Variants in SLC26A1 observed in about 807,000 individuals in gnomAD.
SLC26A1 encodes solute carrier family 26 member 1.
Under a neutral mutation model 14.5 loss-of-function variants are expected in SLC26A1, and 18 were observed. The observed-to-expected ratio is 1.24, with a 90% CI of 0.86 to 1.84. The LOEUF is 1.84. Ranked by LOEUF, SLC26A1 falls within the 40% of genes most tolerant of loss-of-function variation. The pLI is 0.00. For missense variants in SLC26A1, 1,049 were observed against 1,020.0 expected, an observed-to-expected ratio of 1.03 and a Z score of -0.39; for synonymous variants, 505 against 492.0, an observed-to-expected ratio of 1.03 and a Z score of -0.35.
rs535048237 is a variant in SLC26A1 at position 979,721 on chromosome 4, C to T, written c.577-217G>A. On this transcript the variant is annotated intron_variant, in intron 2 of 2. Transcript: ENST00000398520. ...GTGTGCTGCCTTGGAAGGGGATCTA[C>T]CAGCTTCCCGTGAATCCGTCCCACT... is the stretch of plus-strand genomic sequence containing the variant. Among the ~76,000 whole-genome samples the T allele has an allele frequency of 2.6e-4, 39 of 152,332 alleles. 1 individual carries two copies. In the South Asian group the frequency reaches 8.1e-3, roughly 32 times the overall value.
At position 979,754 on chromosome 4, in the gene SLC26A1, C is replaced by G. The variant is rs28742004; in HGVS notation, c.577-250G>C. 4.6e-3 allele frequency among the ~76,000 whole-genome samples: 694 copies of G among 152,330 alleles called. 6 individuals carry two copies. Among genetic ancestry groups the G allele is most frequent in the African/African-American group, 0.016 (670 of 41,578 alleles). On this transcript the variant is annotated intron_variant, in intron 2 of 2. Transcript: ENST00000398520. Reference sequence around the variant, plus strand: ...CCGTGAATCCGTCCCACTGTGTGGACCTGCTATGCCAGTGCCATGACGTGG... The same window carrying G: ...CCGTGAATCCGTCCCACTGTGTGGAGCTGCTATGCCAGTGCCATGACGTGG...
chr4:979,531 T>C, intron 2 of SLC26A1: 3 of 1,612,496 alleles, frequency 1.9e-6, no homozygotes, highest in Non-Finnish European at 1.7e-6. Context: ...GGGAAGGGCA[T>C]GGTGGAGGCC....
downstream of SLC26A1, chr4:987,377 G>A (rs1001859506): frequency 4.2e-6 from 4 of 947,812 alleles, no homozygotes; most frequent in African/African-American, 3.5e-5. Flanking sequence ...CCCGCCCCCC[G>A]CCGTGTTTGT....
intron 2 of SLC26A1, 42 bp from the exon 3 acceptor site, chr4:990,404 A>C (rs1269460444): frequency 1.2e-5 from 19 of 1,522,420 alleles, no homozygotes; most frequent in Non-Finnish European, 1.6e-5. Context: ...GCCTGGCGGG[A>C]GCCACCTGCC....
rs1176415364 is a variant in SLC26A1 at position 987,954 on chromosome 4, G to T, written c.*879C>A. On this transcript the variant is annotated 3_prime_UTR_variant, in exon 3 of 3. Transcript: ENST00000398516. ...GCTGGAGCTTGTCACCACCAGGTGG[G>T]CGGCGGGCAGGGTCTGGGCGTCCCA... The T allele has an allele frequency of 1.3e-6, 2 of 1,567,714 alleles. No individual in the cohort carries two copies. The highest frequency in any genetic ancestry group is 1.2e-5 in the South Asian group (1 of 86,004).
chr4:987,741 C>G lies in SLC26A1; in HGVS notation c.*1092G>C. The G allele has an allele frequency of 1.9e-6, 3 of 1,603,902 alleles. No individual in the cohort carries two copies. Among genetic ancestry groups the G allele is most frequent in the South Asian group, 2.2e-5 (2 of 89,848 alleles). ...GCGCCCGGGCAGTCCTGGGCTTGAACGTGTGTGTCAGCCGCGCTGCCAGCC... is the reference window on the plus strand; with the variant it reads ...GCGCCCGGGCAGTCCTGGGCTTGAAGGTGTGTGTCAGCCGCGCTGCCAGCC... On this transcript the variant is annotated 3_prime_UTR_variant, in exon 3 of 3. Coordinates refer to ENST00000398516, the MANE Select transcript of SLC26A1 (RefSeq NM_022042.4).
Position 988,823 on chromosome 4 carries a change from C to G in SLC26A1, c.*10G>C, listed in dbSNP as rs1234672725. The G allele has an allele frequency of 7.0e-6, 11 of 1,570,756 alleles. No individual in the cohort carries two copies. Among genetic ancestry groups the G allele is most frequent in the Non-Finnish European group, 9.5e-6 (11 of 1,159,120 alleles). ...GAGGGAGCAGAGGCTGCTGGGCAGG[C>G]CTGGCCCTGCTACAGATGGGCATCG... On this transcript the variant is annotated 3_prime_UTR_variant, in exon 3 of 3. Coordinates refer to ENST00000398516, the MANE Select transcript of SLC26A1 (RefSeq NM_022042.4).
intron 2 of SLC26A1, chr4:990,637 G>A (rs188824201): frequency 1.1e-4 from 53 of 498,200 alleles, no homozygotes; most frequent in African/African-American, 3.1e-4. Flanking sequence ...GCAGCAGCCC[G>A]TTTTATTTCA....
chr4:989,502 G>A lies in SLC26A1; in HGVS notation c.1437C>T (p.Ala479=), dbSNP rs749610435. 17 of 1,553,232 alleles carry A rather than the reference G, an allele frequency of 1.1e-5. No homozygotes were observed. Among genetic ancestry groups the A allele is most frequent in the Non-Finnish European group, 1.5e-5 (17 of 1,148,924 alleles). ...ADALVWAGTA[A]TCMLVSTEAG... ...CCTCTGTGCTGACCAGCATACAGGTGGCCGCGGTGCCTGCCCAGACCAGCG... is the reference window on the plus strand; with the variant it reads ...CCTCTGTGCTGACCAGCATACAGGTAGCCGCGGTGCCTGCCCAGACCAGCG... Residue 479 remains alanine, a synonymous_variant, in exon 3 of 3, where the codon GCC becomes GCT. Transcript: ENST00000398516.
chr4:989,937 C>A lies in SLC26A1; in HGVS notation c.1002G>T (p.Glu334Asp), dbSNP rs1162969103. ...AAGCCACACGCTGCATCAGCCTGGGCTCTGGGACCTGAGGGGGCATGAAAC... is the reference window on the plus strand; with the variant it reads ...AAGCCACACGCTGCATCAGCCTGGGATCTGGGACCTGAGGGGGCATGAAAC... The part of the protein sequence containing the change: ...PTGFMPPQVP[E>D]PRLMQRVALD... The change falls in exon 3 of 3, where the codon GAG (glutamate) becomes GAT (aspartate). Residue 334 changes from glutamate to aspartate, a missense_variant. Physicochemically the swap from Glu to Asp is conservative, Grantham distance 45 (BLOSUM62 2). Coordinates refer to ENST00000398516, the MANE Select transcript of SLC26A1 (RefSeq NM_022042.4). The A allele has an allele frequency of 1.9e-6, 3 of 1,556,670 alleles. No homozygotes were observed. Among genetic ancestry groups the A allele is most frequent in the Non-Finnish European group, 2.6e-6 (3 of 1,151,474 alleles).
At chr4:982,485 C>T (rs989646665) in intron 2 of SLC26A1, among the ~76,000 whole-genome samples, 2 of 152,234 alleles carry the variant, frequency 1.3e-5, no homozygotes, top group African/African-American at 2.4e-5. Flanking sequence ...GTGCTGCTGG[C>T]CACACTGCTG....
At position 989,193 on chromosome 4, in the gene SLC26A1, G is replaced by C; in HGVS notation, c.1746C>G (p.Val582=). The part of the protein sequence containing the change: ...RRKEGGSETG[V]GEGGPAQGED... ...CGCCCTGGGCAGGGCCTCCCTCACC[G>C]ACCCCCGTCTCTGAGCCCCCCTCCT... The change falls in exon 3 of 3, where the codon GTC becomes GTG. Residue 582 remains valine (V), a synonymous_variant. Coordinates refer to ENST00000398516, the MANE Select transcript of SLC26A1 (RefSeq NM_022042.4). 1 of 1,607,112 alleles carries C rather than the reference G, an allele frequency of 6.2e-7. No homozygotes were observed. Among genetic ancestry groups the C allele is most frequent in the East Asian group, 2.2e-5 (1 of 44,694 alleles).
chr4:986,237 T>C (rs1360468744), downstream of SLC26A1, among the ~76,000 whole-genome samples: 1 of 152,158 alleles, frequency 6.6e-6, no homozygotes, highest in African/African-American at 2.4e-5. Context: ...TTTCCATTAT[T>C]ATTTTTATAC....
At position 988,527 on chromosome 4, in the gene SLC26A1, T is replaced by A. The variant is rs769226971; in HGVS notation, c.*306A>T. ...GGGGGACCCTTGTTCAAATAAGATG[T>A]CAACCCTGAGCGTCAGGTCAGGCCC... On this transcript the variant is annotated 3_prime_UTR_variant, in exon 3 of 3. Transcript: ENST00000398516. 60 of 1,209,800 alleles carry A rather than the reference T, an allele frequency of 5.0e-5. No homozygotes were observed. The highest frequency in any genetic ancestry group is 6.0e-5 in the Non-Finnish European group (58 of 970,976). The allele number at this position is 1,209,800 out of a possible 1,614,324, so 74.9% of individuals were successfully genotyped here.
downstream of SLC26A1, among the ~76,000 whole-genome samples, chr4:984,402 T>C (rs139974711): frequency 8.1e-4 from 123 of 152,372 alleles, no homozygotes; most frequent in African/African-American, 3.0e-3. Context: ...CTAAATTTAT[T>C]GTTTTGCTTT....
rs751237413 is a variant in SLC26A1, at chr4:990,351, G to A, written c.588C>T (p.Gly196=). Residue 196 remains glycine (G), a synonymous_variant, in exon 3 of 3, where the codon GGC becomes GGT. Transcript: ENST00000398516. ...LMTGLYQVLM[G]VLRLGFVSAY... is the part of the protein sequence containing the mutation. ...CGGACACGAAGCCCAGCCGGAGGACGCCCATGAGGACCTGTGGACGGAGTG... is the reference window on the plus strand; with the variant it reads ...CGGACACGAAGCCCAGCCGGAGGACACCCATGAGGACCTGTGGACGGAGTG... 11 of 1,599,578 alleles carry A rather than the reference G, an allele frequency of 6.9e-6. No individual in the cohort carries two copies. In the African/African-American group the frequency reaches 9.4e-5, roughly 14 times the overall value.
chr4:985,643 G>A (rs904810894), downstream of SLC26A1, among the ~76,000 whole-genome samples: 6 of 151,988 alleles, frequency 3.9e-5, no homozygotes, highest in Non-Finnish European at 8.8e-5. Flanking sequence ...GGTTTCTCTC[G>A]CCTTTCCCTC....
At position 988,129 on chromosome 4, in the gene SLC26A1, C is replaced by G. The variant is rs1025596121; in HGVS notation, c.*704G>C. 2.1e-6 allele frequency: 3 copies of G among 1,412,054 alleles called. No homozygotes were observed. Among genetic ancestry groups the G allele is most frequent in the Non-Finnish European group, 2.8e-6 (3 of 1,085,442 alleles). 87.5% of individuals were successfully genotyped at this position (1,412,054 alleles called of 1,614,324 possible). A position where few individuals can be genotyped will look rare whatever the true frequency, so the allele number is the denominator to read the frequency against. ...TGAGGGCTGTGTGCTGGAGGGAGCC[C>G]CTGCATGGGGCACGGTGGGCTTCCT... is the stretch of plus-strand genomic sequence containing the variant. On this transcript the variant is annotated 3_prime_UTR_variant, in exon 3 of 3. Transcript: ENST00000398516.
intron 2 of SLC26A1, among the ~76,000 whole-genome samples, chr4:980,445 G>T (rs568992366): frequency 6.6e-6 from 1 of 152,262 alleles, no homozygotes; most frequent in Non-Finnish European, 1.5e-5. Context: ...AATTAGCCAG[G>T]AATGGTGGCG....
Sources: allele counts gnomAD v4.1 joint callset (sites outside exome capture counted in the v4.1 genomes callset), GRCh38; gene constraint gnomAD v4.1.1; transcripts MANE v1.5; gene names NCBI Gene and HGNC (gene_info 2026-07-23, HGNC 2026-07-21).